Variants in PRAG1 observed in about 807,000 individuals in gnomAD.
The protein encoded by PRAG1 is PEAK1 related, kinase-activating pseudokinase 1.
In PRAG1, 110 loss-of-function variants were observed where a neutral mutation model predicts 95.6. The observed-to-expected ratio is 1.15, with a 90% CI of 0.99 to 1.35. The LOEUF (loss-of-function observed/expected upper bound fraction) is 1.35. PRAG1 is among the 40% of genes most tolerant of loss of function. The pLI is 0.00. For missense variants in PRAG1, 2,554 were observed against 1,864.7 expected (o/e 1.37, Z -6.81); for synonymous variants, 1,052 against 819.4 (o/e 1.28, Z -4.85).
intron 3 of PRAG1, among the ~76,000 whole-genome samples, chr8:8,372,325 G>A (rs1458356534): frequency 6.6e-6 from 1 of 152,170 alleles, no homozygotes; most frequent in Non-Finnish European, 1.5e-5. Flanking sequence ...TGGCCAAATT[G>A]CCATTAAGTC....
intron 2 of PRAG1, among the ~76,000 whole-genome samples, chr8:8,378,702 A>T (rs1800523704): frequency 6.6e-6 from 1 of 151,958 alleles, no homozygotes; most frequent in African/African-American, 2.4e-5. Flanking sequence ...TCTACAAAAA[A>T]ATACAAAAAC....
intron 4 of PRAG1, among the ~76,000 whole-genome samples, chr8:8,331,044 A>C (rs1282943898): frequency 6.6e-6 from 1 of 152,116 alleles, no homozygotes; most frequent in East Asian, 1.9e-4. Flanking sequence ...TCTGATTCTC[A>C]ATTTATCATC....
intron 4 of PRAG1, among the ~76,000 whole-genome samples, chr8:8,336,901 A>ACCCCCCTCCCCCCCCCCCCCCCCCCCCC (rs1312709918): frequency 4.5e-5 from 1 of 22,194 alleles, no homozygotes; most frequent in Non-Finnish European, 8.2e-5. Context: ...CCCTCCCCAC[A>ACCCCCCTCCCCCCCCCCCCCCCCCCCCC]CCCCTTTCCC....
intron 3 of PRAG1, among the ~76,000 whole-genome samples, chr8:8,357,737 AC>A (rs1799725679): frequency 6.6e-6 from 1 of 152,218 alleles, no homozygotes; most frequent in Non-Finnish European, 1.5e-5. Context: ...ATATTTGCTT[AC>A]CTGTGTTCAT....
At chr8:8,330,171 G>A (rs13271713) in intron 4 of PRAG1, among the ~76,000 whole-genome samples, 4 of 152,148 alleles carry the variant, frequency 2.6e-5, no homozygotes, top group East Asian at 1.9e-4. Flanking sequence ...TTCAAGACCA[G>A]CCTGGGCAAA....
chr8:8,339,118 GAGAA>G (rs1008547491), intron 4 of PRAG1, among the ~76,000 whole-genome samples: 14 of 152,058 alleles, frequency 9.2e-5, no homozygotes, highest in Non-Finnish European at 1.5e-4. Flanking sequence ...GAGAGAGAGA[GAGAA>G]AGAGATAGTG....
Position 8,377,573 on chromosome 8 carries a change from T to G in PRAG1, c.836A>C (p.His279Pro), listed in dbSNP as rs1241103692. 1.2e-6 allele frequency: 2 copies of G among 1,610,952 alleles called. No homozygotes were observed. ...ASQTAGSRGRHGGRDCSPTCW... is the reference protein window; with the variant it reads ...ASQTAGSRGRPGGRDCSPTCW... ...CGTGGGTGAGCAGTCCCTGCCACCA[T>G]GCCTGCCCCGGGAACCTGCAGTCTG... The change falls in exon 3 of 6, where the codon CAT (histidine) becomes CCT (proline). Residue 279 changes from histidine (H) to proline (P), a missense_variant. Physicochemically the swap from His to Pro is moderately conservative, Grantham distance 77. Transcript: ENST00000615670.
rs1800440980 is a variant in PRAG1, at chr8:8,377,213, G to A, written c.1196C>T (p.Pro399Leu). 2 of 1,612,052 alleles carry A rather than the reference G, an allele frequency of 1.2e-6. No homozygotes were observed. The highest frequency in any genetic ancestry group is 1.1e-5 in the South Asian group (1 of 91,058). ...RCLGLTGEPQ[P>L]PAHPREATQP... ...TGTAGCCTCCCGGGGGTGGGCCGGG[G>A]GCTGGGGCTCCCCCGTCAGCCCAAG... Residue 399 changes from proline (P) to leucine (L), a missense_variant, in exon 3 of 6, where the codon CCC (proline) becomes CTC (leucine). By Grantham distance (98) the Pro-to-Leu change is moderately conservative. Coordinates refer to ENST00000615670, the MANE Select transcript of PRAG1 (RefSeq NM_001080826.3).
chr8:8,373,622 A>C (rs1212592378), intron 3 of PRAG1, among the ~76,000 whole-genome samples: 1 of 151,674 alleles, frequency 6.6e-6, no homozygotes, highest in Non-Finnish European at 1.5e-5. Flanking sequence ...GCTGATTTTC[A>C]TATCTTTTTT....
At chr8:8,368,570 G>T (rs185478193) in intron 3 of PRAG1, among the ~76,000 whole-genome samples, 1 of 152,118 alleles carries the variant, frequency 6.6e-6, no homozygotes, top group Non-Finnish European at 1.5e-5. Context: ...TTTAATGAGG[G>T]CATTAACAAT....
chr8:8,329,755 G>C (rs1419703154), intron 4 of PRAG1, among the ~76,000 whole-genome samples: 1 of 152,148 alleles, frequency 6.6e-6, no homozygotes, highest in East Asian at 1.9e-4. Flanking sequence ...TCAAACACCA[G>C]TTGCAAGCCA....
intron 5 of PRAG1, among the ~76,000 whole-genome samples, chr8:8,324,447 T>C (rs1195052166): frequency 6.6e-6 from 1 of 151,564 alleles, no homozygotes; most frequent in Admixed American, 6.6e-5. Flanking sequence ...AAGGCTGCGT[T>C]GGGCGCATGC....
At chr8:8,350,865 C>T (rs1295901135) in intron 3 of PRAG1, among the ~76,000 whole-genome samples, 1 of 152,060 alleles carries the variant, frequency 6.6e-6, no homozygotes, top group Non-Finnish European at 1.5e-5. Context: ...CTGCTCAAAA[C>T]AGCACCATGT....
At position 8,354,552 on chromosome 8, in the gene PRAG1, T is replaced by C. The variant is rs549491267; in HGVS notation, c.2163-14917A>G. Among the ~76,000 whole-genome samples the C allele has an allele frequency of 9.8e-5, 15 of 152,326 alleles. No homozygotes were observed. In the South Asian group the frequency reaches 1.0e-3, roughly 11 times the overall value. Reference sequence around the variant, plus strand: ...TCTCAATAAAGTATTGCAGACTGAATTCAACAATACATTCAAAAGATTACG... The same window carrying C: ...TCTCAATAAAGTATTGCAGACTGAACTCAACAATACATTCAAAAGATTACG... On this transcript the variant is annotated intron_variant, in intron 3 of 5. Coordinates refer to ENST00000615670, the MANE Select transcript of PRAG1 (RefSeq NM_001080826.3).
At chr8:8,382,866 G>T (rs1310330194) in intron 1 of PRAG1, among the ~76,000 whole-genome samples, 1 of 152,172 alleles carries the variant, frequency 6.6e-6, no homozygotes, top group Non-Finnish European at 1.5e-5. Flanking sequence ...ACACGGGAGA[G>T]TTTGCCCATT....
At chr8:8,376,126 G>A (rs1800377398) in intron 3 of PRAG1, 121 bp downstream of exon 3, 8 of 1,356,984 alleles carry the variant, frequency 5.9e-6, no homozygotes, top group Non-Finnish European at 8.0e-6. Context: ...TTACATAAAG[G>A]CACAAGGGCC....
intron 3 of PRAG1, among the ~76,000 whole-genome samples, chr8:8,339,935 G>T (rs1799113059): frequency 6.6e-6 from 1 of 152,164 alleles, no homozygotes; most frequent in Non-Finnish European, 1.5e-5. Flanking sequence ...TGCCAAAACA[G>T]TTGTGTCACT....
At position 8,336,917 on chromosome 8, in the gene PRAG1, C is replaced by T. The variant is rs547960703; in HGVS notation, c.2320+2561G>A. Among the ~76,000 whole-genome samples the T allele has an allele frequency of 1.7e-4, 25 of 143,400 alleles. 1 individual carries two copies. The highest frequency in any genetic ancestry group is 2.9e-4 in the Non-Finnish European group (19 of 65,006). 94.1% of individuals were successfully genotyped at this position (143,400 alleles called of 152,430 possible). A position where few individuals can be genotyped will look rare whatever the true frequency, so the allele number is the denominator to read the frequency against. On this transcript the variant is annotated intron_variant, in intron 4 of 5. Coordinates refer to ENST00000615670, the MANE Select transcript of PRAG1 (RefSeq NM_001080826.3). Reference sequence around the variant, plus strand: ...CCTCCCCACACCCCTTTCCCCCCTCCCCCCACCTCCGACATAAAGCATGAA... The same window carrying T: ...CCTCCCCACACCCCTTTCCCCCCTCTCCCCACCTCCGACATAAAGCATGAA...
intron 2 of PRAG1, 43 bp downstream of exon 2, chr8:8,381,375 G>A: frequency 6.4e-7 from 1 of 1,558,346 alleles, no homozygotes. Flanking sequence ...GTTCAAACAG[G>A]AGCAGCCCCT....
Sources: gnomAD v4.1 joint callset for allele counts (sites outside exome capture counted in the v4.1 genomes callset) on GRCh38, gnomAD v4.1.1 for gene constraint, MANE v1.5 for transcripts, NCBI Gene and HGNC (gene_info 2026-07-23, HGNC 2026-07-21) for gene names.